ZNF618: variants seen among roughly 807,000 people sequenced by gnomAD.
ZNF618 encodes the protein neural precursor cell expressed, developmentally down-regulated 10.
A neutral mutation model predicts 103.0 loss-of-function variants in ZNF618; 34 were observed. The ratio of observed to expected loss-of-function variants is 0.33; its 90% CI spans 0.25 to 0.44. The LOEUF (loss-of-function observed/expected upper bound fraction) is 0.44. ZNF618 is among the 20% of genes least tolerant of loss of function. The pLI, the probability that ZNF618 is intolerant of heterozygous loss-of-function variation, is 1.00. For synonymous variants in ZNF618, 551 were observed against 542.2 expected, an observed-to-expected ratio of 1.02 and a Z score of -0.23; for missense variants, 1,059 against 1,295.4, an observed-to-expected ratio of 0.82 and a Z score of 2.80.
intron 1 of ZNF618, among the ~76,000 whole-genome samples, chr9:113,953,155 G>A (rs996467942): frequency 2.4e-4 from 36 of 152,334 alleles, no homozygotes; most frequent in Non-Finnish European, 2.8e-4. Context: ...ATCTCAGTAC[G>A]TGAACGTACT....
Position 113,884,735 on chromosome 9 carries a change from T to C in ZNF618, c.33+8322T>C, listed in dbSNP as rs1233456255. On this transcript the variant is annotated intron_variant, in intron 1 of 14. Coordinates refer to ENST00000374126, the MANE Select transcript of ZNF618 (RefSeq NM_001318042.2). ...ACACACACACGCACCCCATGGGACA[T>C]GAAGCCAGTTTTTCCTTCCTTATCG... 2.7e-5 allele frequency among the ~76,000 whole-genome samples: 4 copies of C among 150,898 alleles called. No homozygotes were observed. The East Asian group carries it at 7.9e-4, about 30-fold the overall frequency.
intron 1 of ZNF618, among the ~76,000 whole-genome samples, chr9:113,877,073 C>A (rs1564116696): frequency 1.3e-5 from 2 of 150,664 alleles, no homozygotes; most frequent in African/African-American, 4.9e-5. Flanking sequence ...GTAAGAGATT[C>A]TTTTTTTTTC....
intron 1 of ZNF618, among the ~76,000 whole-genome samples, chr9:113,907,988 C>T (rs2131375044): frequency 6.6e-6 from 1 of 152,260 alleles, no homozygotes; most frequent in South Asian, 2.1e-4. Flanking sequence ...CCATCTAGTG[C>T]TTTGTGGGTC....
chr9:113,914,506 C>T (rs999275319), intron 1 of ZNF618, among the ~76,000 whole-genome samples: 2 of 152,136 alleles, frequency 1.3e-5, no homozygotes, highest in East Asian at 1.9e-4. Context: ...CCCAATCATT[C>T]GGAGTTGCCG....
chr9:113,877,054 A>C (rs1237483753), intron 1 of ZNF618, among the ~76,000 whole-genome samples: 1 of 152,082 alleles, frequency 6.6e-6, no homozygotes, highest in African/African-American at 2.4e-5. Context: ...ACTACCAGGC[A>C]GTGGAGGGGT....
chr9:113,876,339 A>G lies in ZNF618; in HGVS notation c.-42A>G. ...GCGCGCACCAGCAGCCCGGCCCGGG[A>G]GGAGCAGGACGCGCCGGGGCCGCCT... is the stretch of plus-strand genomic sequence containing the variant. On this transcript the variant is annotated 5_prime_UTR_variant, in exon 1 of 15. Transcript: ENST00000374126. The G allele has an allele frequency of 2.6e-6, 3 of 1,171,978 alleles. No individual in the cohort carries two copies. Among genetic ancestry groups the G allele is most frequent in the Non-Finnish European group, 3.1e-6 (3 of 955,020 alleles). 72.6% of individuals were successfully genotyped at this position (1,171,978 alleles called of 1,614,324 possible). A position where few individuals can be genotyped will look rare whatever the true frequency, so the allele number is the denominator to read the frequency against.
intron 9 of ZNF618, among the ~76,000 whole-genome samples, chr9:114,011,622 G>T (rs547750122): frequency 2.6e-5 from 4 of 152,196 alleles, no homozygotes; most frequent in Non-Finnish European, 5.9e-5. Context: ...CGCGAAAAAC[G>T]ATTAGCCAGT....
chr9:114,050,463 CACA>C lies in ZNF618; in HGVS notation c.*297_*299del. ...ACACGCACACACACACACACACACA[CACA>C]CACACACACGACCCTGGTGCGTGTA... On this transcript the variant is annotated 3_prime_UTR_variant, in exon 15 of 15. Transcript: ENST00000374126. 1 of 305,956 alleles carries C rather than the reference CACA, an allele frequency of 3.3e-6. No individual in the cohort carries two copies. The highest frequency in any genetic ancestry group is 6.0e-6 in the Non-Finnish European group (1 of 166,476). 19.0% of individuals were successfully genotyped at this position (305,956 alleles called of 1,614,324 possible).
chr9:114,038,607 C>T (rs1288501758), intron 13 of ZNF618, among the ~76,000 whole-genome samples: 2 of 152,220 alleles, frequency 1.3e-5, no homozygotes, highest in African/African-American at 2.4e-5. Context: ...GGGTAATTCC[C>T]GCTAATAAAC....
chr9:114,011,862 C>T (rs555529341), intron 9 of ZNF618, among the ~76,000 whole-genome samples: 2 of 152,320 alleles, frequency 1.3e-5, no homozygotes, highest in African/African-American at 2.4e-5. Context: ...TGGGTTAACT[C>T]GCTCTTCATC....
chr9:113,898,321 T>C (rs963507556), intron 1 of ZNF618, among the ~76,000 whole-genome samples: 4 of 151,952 alleles, frequency 2.6e-5, no homozygotes, highest in Non-Finnish European at 5.9e-5. Context: ...TCCTTCGCCC[T>C]CCCCCTGTTT....
chr9:113,993,361 G>T (rs1254853102), intron 3 of ZNF618, among the ~76,000 whole-genome samples: 1 of 152,232 alleles, frequency 6.6e-6, no homozygotes, highest in East Asian at 1.9e-4. Flanking sequence ...TCTCAACACA[G>T]TATGCCAAGA....
Position 113,876,405 on chromosome 9 carries a change from G to A in ZNF618, c.25G>A (p.Ala9Thr), listed in dbSNP as rs1827929784. 8.3e-7 allele frequency: 1 copy of A among 1,202,310 alleles called. No individual in the cohort carries two copies. The allele number at this position is 1,202,310 out of a possible 1,614,324, so 74.5% of individuals were successfully genotyped here. MNQPGGAAAPQADGASAAG... is the reference protein window; with the variant it reads MNQPGGAATPQADGASAAG... ...CATGAACCAGCCGGGCGGCGCGGCGGCTCCGCAGGTACGACGGGGGGCCGG... is the reference window on the plus strand; with the variant it reads ...CATGAACCAGCCGGGCGGCGCGGCGACTCCGCAGGTACGACGGGGGGCCGG... The change falls in exon 1 of 15, where the codon GCT becomes ACT. Residue 9 changes from alanine (A) to threonine (T), a missense_variant. Ala to Thr is a moderately conservative substitution (Grantham distance 58). Transcript: ENST00000374126.
intron 4 of ZNF618, among the ~76,000 whole-genome samples, chr9:114,001,438 T>C (rs1025844428): frequency 6.6e-6 from 1 of 152,054 alleles, no homozygotes; most frequent in Non-Finnish European, 1.5e-5. Context: ...ACGAGGTAGG[T>C]GCATGTGGTC....
intron 11 of ZNF618, among the ~76,000 whole-genome samples, chr9:114,029,634 T>A (rs1038838118): frequency 2.0e-5 from 3 of 149,418 alleles, no homozygotes; most frequent in Non-Finnish European, 4.5e-5. Context: ...AAACTTAATT[T>A]AAAAAAAAAA....
chr9:114,021,060 T>C (rs1224800631), intron 10 of ZNF618, among the ~76,000 whole-genome samples: 1 of 152,096 alleles, frequency 6.6e-6, no homozygotes, highest in Non-Finnish European at 1.5e-5. Flanking sequence ...TATATTCTCT[T>C]TTGTTAGTAC....
intron 12 of ZNF618, chr9:114,035,070 G>A (rs1009726147): frequency 1.2e-5 from 8 of 656,826 alleles, no homozygotes; most frequent in Non-Finnish European, 1.5e-5. Context: ...CCTTCCTCTC[G>A]GATGCTCCCC....
At chr9:113,978,047 T>C (rs2133059797) in intron 2 of ZNF618, among the ~76,000 whole-genome samples, 1 of 152,384 alleles carries the variant, frequency 6.6e-6, no homozygotes, top group East Asian at 1.9e-4. Context: ...ATTTCTAGAC[T>C]GTTAAGAGTT....
Position 113,952,699 on chromosome 9 carries a change from G to A in ZNF618, c.34-16418G>A, listed in dbSNP as rs191126974. 3.9e-5 allele frequency among the ~76,000 whole-genome samples: 6 copies of A among 152,308 alleles called. No individual in the cohort carries two copies. The East Asian group carries it at 1.2e-3, about 29-fold the overall frequency. ...TTTTTTAATCTATAAAATCATGGTA[G>A]TTTTAGGAACTCTGAGAAGTCTCAG... On this transcript the variant is annotated intron_variant, in intron 1 of 14. Coordinates refer to ENST00000374126, the MANE Select transcript of ZNF618 (RefSeq NM_001318042.2).
Sources: allele counts gnomAD v4.1 joint callset (sites outside exome capture counted in the v4.1 genomes callset), GRCh38; gene constraint gnomAD v4.1.1; transcripts MANE v1.5; gene names NCBI Gene and HGNC (gene_info 2026-07-23, HGNC 2026-07-21).